PRMT9: variants seen among roughly 807,000 people sequenced by gnomAD.
PRMT9 encodes protein arginine methyltransferase 9, also known as protein arginine N-methyltransferase 9.
In PRMT9, 59 loss-of-function variants were observed where a neutral mutation model predicts 83.2. The ratio of observed to expected loss-of-function variants is 0.71; its 90% CI spans 0.57 to 0.88. The LOEUF (loss-of-function observed/expected upper bound fraction) is 0.88, where lower values mean the gene tolerates loss of function less well. Ranked by LOEUF, PRMT9 falls within the 40% of genes least tolerant of loss-of-function variation. The pLI is 0.00. For synonymous variants in PRMT9, 333 were observed against 353.2 expected (o/e 0.94, Z 0.64); for missense variants, 947 against 1,021.9 (o/e 0.93, Z 1.00).
intron 7 of PRMT9, among the ~76,000 whole-genome samples, chr4:147,659,581 T>TTTC (rs199509891): frequency 1.0e-4 from 14 of 140,280 alleles, no homozygotes; most frequent in African/African-American, 1.8e-4. Flanking sequence ...TTTCTTTTCT[T>TTTC]TTTTTTTTTT....
chr4:147,661,018 G>C lies in PRMT9; in HGVS notation c.974C>G (p.Ala325Gly), dbSNP rs1734913346. Reference sequence around the variant, plus strand: ...CACATTTGTTGGCAAATGGATACCAGCAATGTCCTTAATACCCACTCTGGA... The same window carrying C: ...CACATTTGTTGGCAAATGGATACCACCAATGTCCTTAATACCCACTCTGGA... ...RHHRVGIKDI[A>G]GIHLPTNVKF... The change falls in exon 7 of 12, where the codon GCT becomes GGT. Residue 325 changes from alanine to glycine, a missense_variant. Ala to Gly is a moderately conservative substitution (Grantham distance 60). Coordinates refer to ENST00000322396, the MANE Select transcript of PRMT9 (RefSeq NM_138364.4). 6.2e-7 allele frequency: 1 copy of C among 1,611,892 alleles called. No homozygotes were observed. The highest frequency in any genetic ancestry group is 8.5e-7 in the Non-Finnish European group (1 of 1,178,114).
chr4:147,643,881 AC>A (rs1480148545), intron 9 of PRMT9, among the ~76,000 whole-genome samples: 1 of 152,046 alleles, frequency 6.6e-6, no homozygotes, highest in Non-Finnish European at 1.5e-5. Flanking sequence ...AGTCCCAGCT[AC>A]TCAACAGGCT....
chr4:147,654,558 T>C lies in PRMT9; in HGVS notation c.1339A>G (p.Ile447Val). ...ATCATCACATGGTCTCCAGGCTTTA[T>C]CCAGTAGTCTTCATTAAATAGTAAG... is the stretch of plus-strand genomic sequence containing the variant. Reference protein sequence around the residue: ...YPVQDLADYWIKPGDHVMMEV... With the variant: ...YPVQDLADYWVKPGDHVMMEV... Residue 447 changes from isoleucine to valine, a missense_variant, in exon 9 of 12, where the codon ATA (isoleucine) becomes GTA (valine). Transcript: ENST00000322396. 1.2e-6 allele frequency: 2 copies of C among 1,608,066 alleles called. No homozygotes were observed. Among genetic ancestry groups the C allele is most frequent in the Non-Finnish European group, 1.7e-6 (2 of 1,175,250 alleles).
chr4:147,654,669 C>G, intron 8 of PRMT9, 103 bp from the exon 9 acceptor site: 1 of 749,786 alleles, frequency 1.3e-6, no homozygotes, highest in East Asian at 2.5e-5. Flanking sequence ...CTTTAGATCA[C>G]TATAGAAAGG....
At chr4:147,656,709 T>C (rs1283581528) in intron 8 of PRMT9, among the ~76,000 whole-genome samples, 3 of 141,762 alleles carry the variant, frequency 2.1e-5, no homozygotes, top group Non-Finnish European at 3.0e-5. Context: ...GAGGCGGAGG[T>C]TGCAGTGAGC....
chr4:147,681,432 A>T (rs1736461608), intron 1 of PRMT9, among the ~76,000 whole-genome samples: 1 of 152,208 alleles, frequency 6.6e-6, no homozygotes, highest in Non-Finnish European at 1.5e-5. Flanking sequence ...CATATTTTAT[A>T]CAAAAGCGTT....
Position 147,646,551 on chromosome 4 carries a change from C to A in PRMT9, c.2046-3611G>T, listed in dbSNP as rs572507354. Among the ~76,000 whole-genome samples, 192 of 151,536 alleles carry A rather than the reference C, an allele frequency of 1.3e-3. 1 individual carries two copies. The highest frequency in any genetic ancestry group is 4.8e-3 in the Admixed American group (73 of 15,132). Reference sequence around the variant, plus strand: ...ATAGGTTGAGCCCAGGAAGTCAAGGCTGCAGTGAGCCATGATCATGCCACT... The same window carrying A: ...ATAGGTTGAGCCCAGGAAGTCAAGGATGCAGTGAGCCATGATCATGCCACT... On this transcript the variant is annotated intron_variant, in intron 9 of 11. Transcript: ENST00000322396.
At chr4:147,639,173 G>T (rs74681198) in intron 10 of PRMT9, 91 bp from the exon 11 acceptor site, 17,371 of 1,350,592 alleles carry the variant, frequency 0.013, 171 homozygotes, top group Non-Finnish European at 0.016. Flanking sequence ...TTGTGGTCAG[G>T]GATTGCTTTG....
At chr4:147,673,591 T>C (rs778101567) in intron 3 of PRMT9, 47 bp downstream of exon 3, 1 of 1,165,174 alleles carries the variant, frequency 8.6e-7, no homozygotes, top group Admixed American at 1.7e-5. Context: ...ATCTTTAATT[T>C]ACATTAGAAT....
At chr4:147,647,491 T>C (rs1733803315) in intron 9 of PRMT9, among the ~76,000 whole-genome samples, 1 of 151,950 alleles carries the variant, frequency 6.6e-6, no homozygotes, top group African/African-American at 2.4e-5. Context: ...TGTCCCATTC[T>C]TCCACTTGCC....
intron 9 of PRMT9, among the ~76,000 whole-genome samples, chr4:147,649,679 A>T (rs887572070): frequency 2.0e-5 from 3 of 151,910 alleles, no homozygotes; most frequent in African/African-American, 4.8e-5. Context: ...CGTTTTTTTT[A>T]TTTTTAGTAG....
At position 147,663,075 on chromosome 4, in the gene PRMT9, C is replaced by G. The variant is rs553113894; in HGVS notation, c.954-2037G>C. 4.0e-5 allele frequency among the ~76,000 whole-genome samples: 6 copies of G among 149,374 alleles called. No homozygotes were observed. The South Asian group carries it at 1.3e-3, about 32-fold the overall frequency. Reference sequence around the variant, plus strand: ...CCAGGCTGGAGTGCAGTGGCACAATCTCGGCTCACTGCAAGCTCAGCCTCC... The same window carrying G: ...CCAGGCTGGAGTGCAGTGGCACAATGTCGGCTCACTGCAAGCTCAGCCTCC... On this transcript the variant is annotated intron_variant, in intron 6 of 11. Coordinates refer to ENST00000322396, the MANE Select transcript of PRMT9 (RefSeq NM_138364.4).
chr4:147,667,578 C>G (rs938150925), intron 6 of PRMT9, among the ~76,000 whole-genome samples: 4 of 151,994 alleles, frequency 2.6e-5, no homozygotes, highest in Non-Finnish European at 4.4e-5. Context: ...CTGTAACATA[C>G]AAAGAAAAAG....
intron 6 of PRMT9, among the ~76,000 whole-genome samples, chr4:147,667,640 T>C (rs1735430914): frequency 6.6e-6 from 1 of 152,058 alleles, no homozygotes; most frequent in Admixed American, 6.6e-5. Flanking sequence ...TGGTGAGGGG[T>C]TCACAGTGGT....
Position 147,653,979 on chromosome 4 carries a change from C to T in PRMT9, c.1918G>A (p.Val640Met), listed in dbSNP as rs751465462. The T allele has an allele frequency of 3.1e-6, 5 of 1,614,036 alleles. No individual in the cohort carries two copies. The highest frequency in any genetic ancestry group is 3.4e-6 in the Non-Finnish European group (4 of 1,180,014). ...KETLEFWLRH[V>M]EDESAMLQRP... ...TGTAACATAGCAGATTCATCCTCCA[C>T]ATGTCTCAGCCAAAACTCAAGTGTT... Residue 640 changes from valine (V) to methionine (M), a missense_variant, in exon 9 of 12, where the codon GTG (valine) becomes ATG (methionine). Physicochemically the swap from Val to Met is conservative, Grantham distance 21 (BLOSUM62 1). Transcript: ENST00000322396.
chr4:147,673,038 C>T lies in PRMT9; in HGVS notation c.664G>A (p.Ala222Thr), dbSNP rs904622201. ...TTGATCCCTGCTTCCATCTTGTTTG[C>T]TGCCACGACATCACAGGCAAGTTCA... ...MYELACDVVAANKMEAGIKLL... is the reference protein window; with the variant it reads ...MYELACDVVATNKMEAGIKLL... Residue 222 changes from alanine (A) to threonine (T), a missense_variant, in exon 4 of 12, where the codon GCA (alanine) becomes ACA (threonine). By Grantham distance (58) the Ala-to-Thr change is moderately conservative. Coordinates refer to ENST00000322396, the MANE Select transcript of PRMT9 (RefSeq NM_138364.4). The T allele has an allele frequency of 6.2e-7, 1 of 1,613,872 alleles. No individual in the cohort carries two copies. Among genetic ancestry groups the T allele is most frequent in the Non-Finnish European group, 8.5e-7 (1 of 1,179,834 alleles).
intron 7 of PRMT9, among the ~76,000 whole-genome samples, chr4:147,660,028 T>G (rs1734846032): frequency 6.6e-6 from 1 of 152,200 alleles, no homozygotes; most frequent in African/African-American, 2.4e-5. Context: ...GGACAAACCA[T>G]GAAGGCTGGT....
Position 147,659,579 on chromosome 4 carries a change from C to CTTTTTTT in PRMT9, c.1146+1260_1146+1266dup, listed in dbSNP as rs33942571. 1.3e-4 allele frequency among the ~76,000 whole-genome samples: 16 copies of CTTTTTTT among 121,640 alleles called. 1 individual carries two copies. Among genetic ancestry groups the CTTTTTTT allele is most frequent in the South Asian group, 2.6e-4 (1 of 3,910 alleles). The allele number at this position is 121,640 out of a possible 152,430, so 79.8% of individuals were successfully genotyped here. On this transcript the variant is annotated intron_variant, in intron 7 of 11. Coordinates refer to ENST00000322396, the MANE Select transcript of PRMT9 (RefSeq NM_138364.4). ...CCAATTTCTTTGGGCACTTTCTTTTCTTTTTTTTTTTTTTCTGAGACGGAG... is the reference window on the plus strand; with the variant it reads ...CCAATTTCTTTGGGCACTTTCTTTTCTTTTTTTTTTTTTTTTTTTTTCTGAGACGGAG...
intron 9 of PRMT9, among the ~76,000 whole-genome samples, chr4:147,653,391 G>A (rs1481264550): frequency 6.6e-6 from 1 of 151,500 alleles, no homozygotes. Context: ...GCAGTGAGCC[G>A]AGATTGAGCC....
Sources: gnomAD v4.1 joint callset for allele counts (sites outside exome capture counted in the v4.1 genomes callset) on GRCh38, gnomAD v4.1.1 for gene constraint, MANE v1.5 for transcripts, NCBI Gene and HGNC (gene_info 2026-07-23, HGNC 2026-07-21) for gene names.